Variants in KLF12 observed in about 807,000 individuals in gnomAD.
KLF12 encodes the protein KLF transcription factor 12.
Under a neutral mutation model 37.8 loss-of-function variants are expected in KLF12, and 9 were observed. The ratio of observed to expected loss-of-function variants is 0.24; its 90% CI spans 0.14 to 0.42. The LOEUF (loss-of-function observed/expected upper bound fraction) is 0.42. Among genes scored for constraint, KLF12 ranks in the 10% least tolerant of loss-of-function variants. The pLI, the probability that KLF12 is intolerant of heterozygous loss-of-function variation, is 1.00. For synonymous variants in KLF12, 208 were observed against 202.1 expected, an observed-to-expected ratio of 1.03 and a Z score of -0.25; for missense variants, 411 against 516.0, an observed-to-expected ratio of 0.80 and a Z score of 1.97.
chr13:73,867,602 CA>C (rs1166869173), intron 3 of KLF12, among the ~76,000 whole-genome samples: 9 of 29,010 alleles, frequency 3.1e-4, no homozygotes, highest in Non-Finnish European at 1.6e-3. Context: ...CTATAGAAGA[CA>C]GGGGGAAAAA....
At chr13:73,738,311 ATTT>A (rs71115612) in intron 6 of KLF12, among the ~76,000 whole-genome samples, 2 of 141,966 alleles carry the variant, frequency 1.4e-5, no homozygotes, top group Non-Finnish European at 1.5e-5. Context: ...CGCCTGGCTA[ATTT>A]TTTTTTTTTT....
intron 6 of KLF12, among the ~76,000 whole-genome samples, chr13:73,758,595 C>A (rs575660325): frequency 6.6e-6 from 1 of 152,160 alleles, no homozygotes; most frequent in South Asian, 2.1e-4. Flanking sequence ...GTTTCCAGTA[C>A]AATATTAATA....
the KLF12 span, among the ~76,000 whole-genome samples, chr13:74,214,982 C>CG: frequency 3.3e-5 from 5 of 151,840 alleles, no homozygotes; most frequent in Non-Finnish European, 5.9e-5. Flanking sequence ...TTAGTAGAGA[C>CG]GGGGTTTCAC....
At chr13:74,174,335 C>A in the KLF12 span, among the ~76,000 whole-genome samples, 1 of 133,164 alleles carries the variant, frequency 7.5e-6, no homozygotes, top group Admixed American at 7.6e-5. Context: ...TCTTTCTTTT[C>A]TTTTTTTTTT....
intron 6 of KLF12, among the ~76,000 whole-genome samples, chr13:73,748,661 C>T (rs1222008836): frequency 6.6e-6 from 1 of 152,144 alleles, no homozygotes; most frequent in East Asian, 1.9e-4. Flanking sequence ...TGGTTTTAGC[C>T]ACACAATCTA....
intron 3 of KLF12, among the ~76,000 whole-genome samples, chr13:73,878,891 G>C (rs1886841592): frequency 6.6e-6 from 1 of 152,172 alleles, no homozygotes; most frequent in African/African-American, 2.4e-5. Flanking sequence ...GAGGAGCTAA[G>C]ATCAGAAATG....
At chr13:73,701,869 A>G (rs553160856) in intron 7 of KLF12, among the ~76,000 whole-genome samples, 126 of 152,316 alleles carry the variant, frequency 8.3e-4, no homozygotes, top group African/African-American at 2.7e-3. Flanking sequence ...CATTTTCACC[A>G]CAACCTGTGC....
At chr13:74,155,396 TTGTTG>T in the KLF12 span, among the ~76,000 whole-genome samples, 2 of 151,940 alleles carry the variant, frequency 1.3e-5, no homozygotes, top group South Asian at 2.1e-4. Context: ...GGTTTTGTTC[TTGTTG>T]CCCAGGCCAC....
At chr13:73,804,431 C>G (rs1882453052) in intron 5 of KLF12, among the ~76,000 whole-genome samples, 1 of 148,466 alleles carries the variant, frequency 6.7e-6, no homozygotes, top group Admixed American at 6.8e-5. Flanking sequence ...CTTCATTATA[C>G]TTTTTTTTTT....
chr13:74,245,317 CTAT>C, the KLF12 span, among the ~76,000 whole-genome samples: 5 of 151,296 alleles, frequency 3.3e-5, no homozygotes, highest in South Asian at 1.0e-3. Flanking sequence ...ATCTATCTAT[CTAT>C]CTATCTATCT....
At chr13:74,143,883 T>G in the KLF12 span, among the ~76,000 whole-genome samples, 1 of 152,338 alleles carries the variant, frequency 6.6e-6, no homozygotes, top group East Asian at 1.9e-4. Context: ...AGGCTAATGT[T>G]AAGTGTTCTG....
chr13:73,692,771 C>T lies in KLF12; in HGVS notation c.*2719G>A, dbSNP rs1243200716. Reference sequence around the variant, plus strand: ...GAGGCTAGACCAGGGACTCAATTCACTTAATTGTGCTTAGATCCCTTCTTA... The same window carrying T: ...GAGGCTAGACCAGGGACTCAATTCATTTAATTGTGCTTAGATCCCTTCTTA... On this transcript the variant is annotated 3_prime_UTR_variant, in exon 8 of 8. Transcript: ENST00000377669. The T allele has an allele frequency of 1.3e-5, 2 of 152,638 alleles. No individual in the cohort carries two copies. The highest frequency in any genetic ancestry group is 3.9e-4 in the East Asian group (2 of 5,186). The allele number at this position is 152,638 out of a possible 1,614,324, so 9.5% of individuals were successfully genotyped here. A position where few individuals can be genotyped will look rare whatever the true frequency, so the allele number is the denominator to read the frequency against.
At chr13:74,067,699 T>C (rs1873997611) in intron 1 of KLF12, among the ~76,000 whole-genome samples, 1 of 59,408 alleles carries the variant, frequency 1.7e-5, no homozygotes, top group Admixed American at 2.0e-4. Flanking sequence ...AGAATAGTTT[T>C]AGTTTTAAAA....
At chr13:73,982,391 T>C (rs1891709479) in intron 2 of KLF12, among the ~76,000 whole-genome samples, 1 of 152,044 alleles carries the variant, frequency 6.6e-6, no homozygotes, top group African/African-American at 2.4e-5. Flanking sequence ...AAATGTACAC[T>C]TAGGCAAAGA....
intron 1 of KLF12, among the ~76,000 whole-genome samples, chr13:74,071,528 A>C (rs1157222060): frequency 2.0e-5 from 3 of 151,506 alleles, no homozygotes; most frequent in Non-Finnish European, 4.4e-5. Flanking sequence ...CTACTAAAAA[A>C]AAAAATACAA....
chr13:74,294,176 G>GTTTATT, the KLF12 span, among the ~76,000 whole-genome samples: 1 of 152,132 alleles, frequency 6.6e-6, no homozygotes, highest in Non-Finnish European at 1.5e-5. Context: ...AGTAGCAGGA[G>GTTTATT]TTTATTTTTA....
intron 5 of KLF12, among the ~76,000 whole-genome samples, chr13:73,810,926 A>AAGTTAG (rs1882892120): frequency 6.6e-6 from 1 of 150,432 alleles, no homozygotes; most frequent in Non-Finnish European, 1.5e-5. Flanking sequence ...TGGAGAAACT[A>AAGTTAG]AGTTAGAGAT....
chr13:73,814,384 G>A (rs1883105545), intron 4 of KLF12, among the ~76,000 whole-genome samples: 5 of 152,104 alleles, frequency 3.3e-5, no homozygotes, highest in Admixed American at 3.3e-4. Context: ...CGAACCACAT[G>A]GAATTGCTGA....
At chr13:73,809,164 T>G (rs1178156390) in intron 5 of KLF12, among the ~76,000 whole-genome samples, 1 of 152,184 alleles carries the variant, frequency 6.6e-6, no homozygotes, top group Non-Finnish European at 1.5e-5. Flanking sequence ...CTAACTCTCT[T>G]AGAAAAGTTC....
Sources: gnomAD v4.1 joint callset for allele counts (sites outside exome capture counted in the v4.1 genomes callset) on GRCh38, gnomAD v4.1.1 for gene constraint, MANE v1.5 for transcripts, NCBI Gene and HGNC (gene_info 2026-07-23, HGNC 2026-07-21) for gene names.